Variants in LIPK observed in about 807,000 individuals in gnomAD.
The protein encoded by LIPK is lipase member K.
LIPK carries 32 observed loss-of-function variants against 48.6 expected under a neutral mutation model. That is an observed-to-expected ratio of 0.66 (90% CI 0.50 to 0.88). LIPK has a LOEUF of 0.88. Ranked by LOEUF, LIPK falls within the 40% of genes least tolerant of loss-of-function variation. The pLI, the probability that LIPK is intolerant of heterozygous loss-of-function variation, is 0.00. For synonymous variants in LIPK, 164 were observed against 157.4 expected (o/e 1.04, Z -0.32); for missense variants, 507 against 478.5 (o/e 1.06, Z -0.56).
At chr10:88,730,311 A>G (rs909489219) in intron 3 of LIPK, among the ~76,000 whole-genome samples, 3 of 152,066 alleles carry the variant, frequency 2.0e-5, no homozygotes, top group Admixed American at 2.0e-4. Context: ...TTGTTTTGAG[A>G]CGGAGTCTTG....
At chr10:88,714,644 A>G (rs934513416) in intron 1 of LIPK, among the ~76,000 whole-genome samples, 1 of 152,172 alleles carries the variant, frequency 6.6e-6, no homozygotes, top group African/African-American at 2.4e-5. Flanking sequence ...GAATTTGTCT[A>G]GTTAATATAA....
At chr10:88,732,848 T>G (rs1842496110) in intron 6 of LIPK, among the ~76,000 whole-genome samples, 1 of 152,214 alleles carries the variant, frequency 6.6e-6, no homozygotes, top group Non-Finnish European at 1.5e-5. Context: ...TTTAGTAGAT[T>G]GAATTTTTCT....
At chr10:88,726,361 C>T (rs1387489852) in intron 2 of LIPK, among the ~76,000 whole-genome samples, 1 of 152,162 alleles carries the variant, frequency 6.6e-6, no homozygotes, top group East Asian at 1.9e-4. Flanking sequence ...CGTCACGGCA[C>T]ATAGAGTGAT....
At chr10:88,714,345 G>A (rs987940047) in intron 1 of LIPK, among the ~76,000 whole-genome samples, 2 of 151,952 alleles carry the variant, frequency 1.3e-5, no homozygotes. Flanking sequence ...TAATAACCTT[G>A]GCTCCAATTT....
chr10:88,730,714 C>G (rs1194018850), intron 3 of LIPK, among the ~76,000 whole-genome samples: 5 of 152,240 alleles, frequency 3.3e-5, no homozygotes, highest in Non-Finnish European at 7.4e-5. Flanking sequence ...TCATGCGTAT[C>G]GAAGGGATTT....
Position 88,729,252 on chromosome 10 carries a change from T to TGGGC in LIPK, c.224-1728_224-1727insCGGG, listed in dbSNP as rs1554955615. Among the ~76,000 whole-genome samples the TGGGC allele has an allele frequency of 2.7e-3, 107 of 40,174 alleles. 2 individuals are homozygous for TGGGC. The highest frequency in any genetic ancestry group is 3.5e-3 in the Non-Finnish European group (86 of 24,786). 26.4% of individuals were successfully genotyped at this position (40,174 alleles called of 152,430 possible). ...CCCCGCAATGCAGGTGGCTATCTGT[T>TGGGC]GGGGGGGGGGGGCGGGGGAAGAGCA... On this transcript the variant is annotated intron_variant, in intron 3 of 9. Transcript: ENST00000404190.
At chr10:88,739,263 T>C (rs763790950) in intron 7 of LIPK, among the ~76,000 whole-genome samples, 13 of 152,234 alleles carry the variant, frequency 8.5e-5, no homozygotes, top group Non-Finnish European at 1.9e-4. Context: ...CATACAGATC[T>C]ATTCTTAGTG....
At chr10:88,720,618 T>G (rs1471922966) in intron 1 of LIPK, among the ~76,000 whole-genome samples, 3 of 152,124 alleles carry the variant, frequency 2.0e-5, no homozygotes, top group African/African-American at 7.2e-5. Context: ...AAACTAAGGC[T>G]CTCCAAATAA....
chr10:88,737,738 T>G lies in LIPK; in HGVS notation c.773T>G (p.Phe258Cys), dbSNP rs1297387961. 1.2e-6 allele frequency: 2 copies of G among 1,613,772 alleles called. No individual in the cohort carries two copies. The highest frequency in any genetic ancestry group is 2.7e-5 in the African/African-American group (2 of 74,920). ...CTATTCCGTCGTATTTGCAGCAACT[T>G]CCTATTTACTCTGAGTGGATTTGAT... Reference protein sequence around the residue: ...RKLFRRICSNFLFTLSGFDPQ... With the variant: ...RKLFRRICSNCLFTLSGFDPQ... Residue 258 changes from phenylalanine (F) to cysteine (C), a missense_variant, in exon 7 of 10, where the codon TTC becomes TGC. Physicochemically the swap from Phe to Cys is radical, Grantham distance 205 (BLOSUM62 -2). Transcript: ENST00000404190.
chr10:88,719,261 C>A (rs531574746), intron 1 of LIPK, among the ~76,000 whole-genome samples: 1 of 152,308 alleles, frequency 6.6e-6, no homozygotes, highest in South Asian at 2.1e-4. Context: ...GTGTTATTAT[C>A]CTCACCATAC....
At chr10:88,745,157 T>C (rs1296478031) in intron 9 of LIPK, among the ~76,000 whole-genome samples, 1 of 149,712 alleles carries the variant, frequency 6.7e-6, no homozygotes, top group Non-Finnish European at 1.5e-5. Context: ...TACAGCTCTC[T>C]GGCATTCCTG....
At chr10:88,742,135 A>G (rs1011405344) in intron 8 of LIPK, among the ~76,000 whole-genome samples, 3 of 152,220 alleles carry the variant, frequency 2.0e-5, no homozygotes, top group African/African-American at 7.2e-5. Flanking sequence ...CACTATCAGG[A>G]GAACAGCAAA....
intron 1 of LIPK, among the ~76,000 whole-genome samples, chr10:88,714,945 A>G (rs962142362): frequency 2.6e-5 from 4 of 151,996 alleles, no homozygotes; most frequent in Admixed American, 2.6e-4. Context: ...TTATGGTAGA[A>G]ACTCAGATAA....
In LIPK at chr10:88,728,743, C is replaced by T. The variant is rs182160242; in HGVS notation, c.223+1831C>T. 1.1e-4 allele frequency: 29 copies of T among 272,844 alleles called. No homozygotes were observed. In the East Asian group the frequency reaches 2.7e-3, roughly 25 times the overall value. The allele number at this position is 272,844 out of a possible 1,614,324, so 16.9% of individuals were successfully genotyped here. A position where few individuals can be genotyped will look rare whatever the true frequency, so the allele number is the denominator to read the frequency against. On this transcript the variant is annotated intron_variant, in intron 3 of 9. Transcript: ENST00000404190. The stretch of plus-strand genomic sequence containing the variant: ...GGCTACCCAGGTGGGCTGGGCTCGG[C>T]CTCACAAGCTCTGCCCTCAGCTATG...
At chr10:88,717,018 A>C (rs899170104) in intron 1 of LIPK, among the ~76,000 whole-genome samples, 1 of 152,166 alleles carries the variant, frequency 6.6e-6, no homozygotes, top group Admixed American at 6.5e-5. Context: ...AGACCAGTGC[A>C]TGTAGCTAGC....
chr10:88,751,954 T>G (rs375790), intron 9 of LIPK, among the ~76,000 whole-genome samples: 36,320 of 152,068 alleles, frequency 0.24, 4,504 homozygotes, highest in East Asian at 0.37. Flanking sequence ...GGTTGTGTTG[T>G]ATCAATACAA....
intron 2 of LIPK, among the ~76,000 whole-genome samples, chr10:88,725,347 A>G (rs1842316391): frequency 6.6e-6 from 1 of 152,188 alleles, no homozygotes; most frequent in Non-Finnish European, 1.5e-5. Flanking sequence ...TTCTCTCTCT[A>G]GCATGAGGGA....
At chr10:88,727,306 A>T (rs909023767) in intron 3 of LIPK, among the ~76,000 whole-genome samples, 1 of 152,184 alleles carries the variant, frequency 6.6e-6, no homozygotes, top group African/African-American at 2.4e-5. Flanking sequence ...ATTTCTCCCT[A>T]ATCTGACAAC....
chr10:88,725,438 A>C (rs1842318711), intron 2 of LIPK, among the ~76,000 whole-genome samples: 1 of 152,212 alleles, frequency 6.6e-6, no homozygotes, highest in Non-Finnish European at 1.5e-5. Flanking sequence ...TACACATATT[A>C]CATATAATCC....
Sources: gnomAD v4.1 joint callset for allele counts (sites outside exome capture counted in the v4.1 genomes callset) on GRCh38, gnomAD v4.1.1 for gene constraint, MANE v1.5 for transcripts, NCBI Gene and HGNC (gene_info 2026-07-23, HGNC 2026-07-21) for gene names.